COL24A1: variants seen among roughly 807,000 people sequenced by gnomAD.
The protein encoded by COL24A1 is collagen type XXIV alpha 1 chain.
A neutral mutation model predicts 253.9 loss-of-function variants in COL24A1; 224 were observed. The ratio of observed to expected loss-of-function variants is 0.88; its 90% confidence interval spans 0.79 to 0.99. The LOEUF (loss-of-function observed/expected upper bound fraction) is 0.99, where lower values mean the gene tolerates loss of function less well. COL24A1 is among the 50% of genes least tolerant of loss of function. The pLI is 0.00. For synonymous variants in COL24A1, 685 were observed against 673.7 expected (o/e 1.02, Z -0.26); for missense variants, 2,131 against 2,068.5 (o/e 1.03, Z -0.59).
intron 2 of COL24A1, among the ~76,000 whole-genome samples, chr1:86,133,745 G>A (rs544488178): frequency 1.2e-4 from 18 of 152,068 alleles, no homozygotes; most frequent in African/African-American, 1.7e-4. Flanking sequence ...TGCTGGATTC[G>A]TTTTGCCAGT....
chr1:85,764,121 C>T (rs1167629574), intron 53 of COL24A1, among the ~76,000 whole-genome samples: 1 of 151,882 alleles, frequency 6.6e-6, no homozygotes, highest in East Asian at 1.9e-4. Flanking sequence ...GGCTCAGTTG[C>T]ACAGAGCTTC....
chr1:86,077,941 CCTGCACATT>C (rs1702371325), intron 7 of COL24A1, among the ~76,000 whole-genome samples: 1 of 151,990 alleles, frequency 6.6e-6, no homozygotes, highest in South Asian at 2.1e-4. Flanking sequence ...ATGTAACAAA[CCTGCACATT>C]CTGCACATGT....
chr1:86,100,800 C>T (rs905032875), intron 5 of COL24A1, among the ~76,000 whole-genome samples: 1 of 152,056 alleles, frequency 6.6e-6, no homozygotes, highest in Non-Finnish European at 1.5e-5. Context: ...TGTTGGTGAA[C>T]ATGTTGATTT....
At chr1:85,820,089 C>A (rs1022771366) in intron 45 of COL24A1, among the ~76,000 whole-genome samples, 8 of 152,100 alleles carry the variant, frequency 5.3e-5, no homozygotes, top group African/African-American at 1.9e-4. Flanking sequence ...CTCAGGTGAT[C>A]TGCCCTCCTC....
At position 86,138,891 on chromosome 1, in the gene COL24A1, C is replaced by G. The variant is rs138223048; in HGVS notation, c.121+7228G>C. 1.5e-3 allele frequency among the ~76,000 whole-genome samples: 224 copies of G among 151,906 alleles called. 8 individuals carry two copies. In the East Asian group the frequency reaches 0.036, roughly 24 times the overall value. On this transcript the variant is annotated intron_variant, in intron 2 of 59. Coordinates refer to ENST00000370571, the MANE Select transcript of COL24A1 (RefSeq NM_152890.7). ...CCCGTCAGAGCCCTGCTAAGTATAT[C>G]CCTTCATGCCAATCTTTACTCATCC...
intron 7 of COL24A1, among the ~76,000 whole-genome samples, chr1:86,065,756 T>TAA (rs71078636): frequency 0.01 from 1,206 of 118,518 alleles, 16 homozygotes; most frequent in Middle Eastern, 0.058. Context: ...TAGCAACCTC[T>TAA]AAAAAAAAAA....
intron 24 of COL24A1, among the ~76,000 whole-genome samples, chr1:85,924,803 T>C (rs527403244): frequency 6.6e-6 from 1 of 152,154 alleles, no homozygotes; most frequent in East Asian, 1.9e-4. Context: ...TTCAGCATAG[T>C]GTTGGAAGTT....
chr1:86,137,071 C>A (rs1175468327), intron 2 of COL24A1, among the ~76,000 whole-genome samples: 5 of 152,108 alleles, frequency 3.3e-5, no homozygotes, highest in African/African-American at 1.2e-4. Flanking sequence ...GTAATTTATA[C>A]CTGGACTTGG....
chr1:85,800,813 A>G (rs773527323), intron 47 of COL24A1, among the ~76,000 whole-genome samples: 33 of 152,214 alleles, frequency 2.2e-4, no homozygotes, highest in Non-Finnish European at 3.1e-4. Context: ...CCTAGGTCAG[A>G]GCATGCATCC....
Position 85,937,921 on chromosome 1 carries a change from G to A in COL24A1, c.2562+23328C>T, listed in dbSNP as rs1688378249. 3.4e-5 allele frequency among the ~76,000 whole-genome samples: 5 copies of A among 147,254 alleles called. 1 individual carries two copies. The Admixed American group carries it at 3.4e-4, about 10-fold the overall frequency. On this transcript the variant is annotated intron_variant, in intron 24 of 59. Coordinates refer to ENST00000370571, the MANE Select transcript of COL24A1 (RefSeq NM_152890.7). ...TAAAAAGTGTCTAATTTACCATATGGGATCCCCAAAATATTATGTCAGAGC... is the reference window on the plus strand; with the variant it reads ...TAAAAAGTGTCTAATTTACCATATGAGATCCCCAAAATATTATGTCAGAGC...
chr1:85,988,594 A>G (rs1693946159), intron 19 of COL24A1, among the ~76,000 whole-genome samples: 2 of 152,072 alleles, frequency 1.3e-5, no homozygotes, highest in Admixed American at 6.6e-5. Flanking sequence ...TGAAGGAAAA[A>G]AGTAAAAGAA....
At chr1:85,799,721 G>A (rs189774830) in intron 47 of COL24A1, among the ~76,000 whole-genome samples, 371 of 152,162 alleles carry the variant, frequency 2.4e-3, no homozygotes, top group African/African-American at 6.3e-3. Flanking sequence ...GGGTTACAAA[G>A]GGATCCTCAA....
intron 47 of COL24A1, among the ~76,000 whole-genome samples, chr1:85,797,993 G>C (rs1331938975): frequency 6.6e-6 from 1 of 152,020 alleles, no homozygotes; most frequent in Non-Finnish European, 1.5e-5. Context: ...AGGAGTTCAA[G>C]GCTAGCCTAG....
At chr1:85,923,486 C>T (rs1197041602) in intron 24 of COL24A1, among the ~76,000 whole-genome samples, 7 of 152,164 alleles carry the variant, frequency 4.6e-5, no homozygotes, top group Admixed American at 4.6e-4. Context: ...GACCACAGTG[C>T]AATCAAATTA....
chr1:85,954,970 C>T (rs950129071), intron 24 of COL24A1, among the ~76,000 whole-genome samples: 1 of 152,190 alleles, frequency 6.6e-6, no homozygotes, highest in Admixed American at 6.5e-5. Flanking sequence ...CCCACTAAAA[C>T]TAGCAGTCTC....
At chr1:86,024,270 A>AC (rs1431336963) in intron 14 of COL24A1, among the ~76,000 whole-genome samples, 5 of 152,080 alleles carry the variant, frequency 3.3e-5, no homozygotes. Flanking sequence ...ATGGCACTGT[A>AC]CTTTTTTTTT....
intron 37 of COL24A1, among the ~76,000 whole-genome samples, chr1:85,854,684 C>T (rs1175065192): frequency 6.6e-6 from 1 of 151,456 alleles, no homozygotes; most frequent in Admixed American, 6.6e-5. Context: ...TCTTTCACCT[C>T]CCTGGTTACT....
chr1:86,052,653 G>A (rs531138849), intron 10 of COL24A1, among the ~76,000 whole-genome samples: 3 of 151,880 alleles, frequency 2.0e-5, no homozygotes, highest in Non-Finnish European at 4.4e-5. Context: ...TAAGATGGAT[G>A]GTGGCAATGG....
At chr1:85,930,435 G>A (rs201661350) in intron 24 of COL24A1, among the ~76,000 whole-genome samples, 1,472 of 33,470 alleles carry the variant, frequency 0.044, 32 homozygotes, top group Middle Eastern at 0.14. Flanking sequence ...AATTGTGGCA[G>A]TAATCAACAG....
Sources: gnomAD v4.1 joint callset for allele counts (sites outside exome capture counted in the v4.1 genomes callset) on GRCh38, gnomAD v4.1.1 for gene constraint, MANE v1.5 for transcripts, NCBI Gene and HGNC (gene_info 2026-07-23, HGNC 2026-07-21) for gene names.